The following ENTR1 variants were observed in gnomAD, a reference collection of about 807,000 sequenced individuals.
ENTR1 encodes endosome-associated-trafficking regulator 1.
In ENTR1, 47 loss-of-function variants were observed where a neutral mutation model predicts 47.9. The ratio of observed to expected loss-of-function variants is 0.98; its 90% CI spans 0.78 to 1.25. The LOEUF (loss-of-function observed/expected upper bound fraction) is 1.25. ENTR1 is among the 50% of genes most tolerant of loss of function. The pLI is 0.00. For missense variants in ENTR1, 668 were observed against 570.5 expected (o/e 1.17, Z -1.74); for synonymous variants, 290 against 245.8 (o/e 1.18, Z -1.68).
chr9:136,408,354 G>A (rs545654159), intron 3 of ENTR1, among the ~76,000 whole-genome samples: 20 of 152,198 alleles, frequency 1.3e-4, no homozygotes, highest in East Asian at 5.8e-4. Flanking sequence ...CAAGGCGGGC[G>A]GATCACGAGG....
At position 136,402,515 on chromosome 9, in the gene ENTR1, T is replaced by G. The variant is rs1834533284; in HGVS notation, c.*273A>C. On this transcript the variant is annotated 3_prime_UTR_variant, in exon 10 of 10. Coordinates refer to ENST00000357365, the MANE Select transcript of ENTR1 (RefSeq NM_001039707.2). ...CTCTTTTTCTTAAAATCACTGGCTT[T>G]TATGACAATGTCTTCCAAGAGCTCA... 3.1e-6 allele frequency: 1 copy of G among 319,614 alleles called. No homozygotes were observed. Among genetic ancestry groups the G allele is most frequent in the Non-Finnish European group, 5.7e-6 (1 of 175,238 alleles). The allele number at this position is 319,614 out of a possible 1,614,324, so 19.8% of individuals were successfully genotyped here. A position where few individuals can be genotyped will look rare whatever the true frequency, so the allele number is the denominator to read the frequency against.
intron 6 of ENTR1, among the ~76,000 whole-genome samples, chr9:136,405,573 A>C (rs984033371): frequency 1.3e-5 from 2 of 152,220 alleles, no homozygotes; most frequent in African/African-American, 4.8e-5. Context: ...CCCTGTCTCT[A>C]CAAAAATAAG....
rs764599237 is a variant in ENTR1 at position 136,402,521 on chromosome 9, CAAT to C, written c.*264_*266del. 15 of 329,554 alleles carry C rather than the reference CAAT, an allele frequency of 4.6e-5. No individual in the cohort carries two copies. The highest frequency in any genetic ancestry group is 7.2e-5 in the Non-Finnish European group (13 of 181,694). 20.4% of individuals were successfully genotyped at this position (329,554 alleles called of 1,614,324 possible). On this transcript the variant is annotated 3_prime_UTR_variant, in exon 10 of 10. Coordinates refer to ENST00000357365, the MANE Select transcript of ENTR1 (RefSeq NM_001039707.2). ...TTCTTAAAATCACTGGCTTTTATGA[CAAT>C]GTCTTCCAAGAGCTCATTAGAATCT...
chr9:136,403,924 G>T (rs533774878), intron 9 of ENTR1, 131 bp downstream of exon 9: 9 of 1,094,064 alleles, frequency 8.2e-6, no homozygotes, highest in Non-Finnish European at 1.2e-5. Context: ...CTGAGCACGC[G>T]TCCCTCCCTG....
chr9:136,410,260 G>C (rs748077469), intron 1 of ENTR1, 21 bp from the exon 2 acceptor site: 2 of 1,560,240 alleles, frequency 1.3e-6, no homozygotes, highest in Admixed American at 3.9e-5. Flanking sequence ...CGACAACAGC[G>C]ACTTTACTGC....
At position 136,407,476 on chromosome 9, in the gene ENTR1, A is replaced by G; in HGVS notation, c.488T>C (p.Phe163Ser). 3.7e-6 allele frequency: 6 copies of G among 1,610,868 alleles called. No homozygotes were observed. The highest frequency in any genetic ancestry group is 1.1e-5 in the South Asian group (1 of 90,856). Reference protein sequence around the residue: ...GGYGLEYQQPFFEDPTGAGDL... With the variant: ...GGYGLEYQQPSFEDPTGAGDL... ...ACCAGCCCCTGTCGGATCCTCGAAA[A>G]ATGGCTGCTGATACTCCAGGCCATA... The change falls in exon 5 of 10, where the codon TTT becomes TCT. Residue 163 changes from phenylalanine (F) to serine (S), a missense_variant. Physicochemically the swap from Phe to Ser is radical, Grantham distance 155. Transcript: ENST00000357365.
chr9:136,406,766 G>A (rs980106753), intron 5 of ENTR1, among the ~76,000 whole-genome samples: 17 of 152,100 alleles, frequency 1.1e-4, no homozygotes, highest in Non-Finnish European at 2.2e-4. Flanking sequence ...CGTGAGCCAC[G>A]GCGCCCAGCT....
At chr9:136,403,552 A>G (rs906168741) in intron 9 of ENTR1, among the ~76,000 whole-genome samples, 3 of 151,530 alleles carry the variant, frequency 2.0e-5, no homozygotes, top group African/African-American at 7.3e-5. Context: ...CTTGGAGGAG[A>G]CCCACACCTG....
chr9:136,402,979 G>GGA, intron 9 of ENTR1, 92 bp from the exon 10 acceptor site: 2 of 249,642 alleles, frequency 8.0e-6, no homozygotes, highest in Non-Finnish European at 7.5e-6. Flanking sequence ...TTGGTAGGGG[G>GGA]AAAAAGGGAG....
chr9:136,407,630 T>C, intron 4 of ENTR1, 69 bp from the exon 5 acceptor site: 1 of 1,491,374 alleles, frequency 6.7e-7, no homozygotes. Flanking sequence ...TTCCTTTCTG[T>C]GTTCTGCCTC....
intron 2 of ENTR1, 157 bp downstream of exon 2, chr9:136,409,933 C>A: frequency 1.1e-6 from 1 of 898,664 alleles, no homozygotes; most frequent in Non-Finnish European, 1.8e-6. Flanking sequence ...ACTGTGAGCT[C>A]CTAGCAGGGG....
chr9:136,407,595 C>A, intron 4 of ENTR1, 34 bp from the exon 5 acceptor site: 1 of 1,520,570 alleles, frequency 6.6e-7, no homozygotes, highest in Non-Finnish European at 8.8e-7. Context: ...ACAATGGAGG[C>A]CATGCTTCTG....
rs1179642720 is a variant in ENTR1 at position 136,402,510 on chromosome 9, G to A, written c.*278C>T. On this transcript the variant is annotated 3_prime_UTR_variant, in exon 10 of 10. Transcript: ENST00000357365. ...AACCACTCTTTTTCTTAAAATCACTGGCTTTTATGACAATGTCTTCCAAGA... is the reference window on the plus strand; with the variant it reads ...AACCACTCTTTTTCTTAAAATCACTAGCTTTTATGACAATGTCTTCCAAGA... 2 of 305,678 alleles carry A rather than the reference G, an allele frequency of 6.5e-6. No homozygotes were observed. Among genetic ancestry groups the A allele is most frequent in the African/African-American group, 4.3e-5 (2 of 46,404 alleles). The allele number at this position is 305,678 out of a possible 1,614,324, so 18.9% of individuals were successfully genotyped here.
In ENTR1 at chr9:136,410,459, C is replaced by T. The variant is rs1835049861; in HGVS notation, c.-62G>A. The T allele has an allele frequency of 5.7e-6, 6 of 1,053,726 alleles. No individual in the cohort carries two copies. Among genetic ancestry groups the T allele is most frequent in the Non-Finnish European group, 6.9e-6 (6 of 869,434 alleles). The allele number at this position is 1,053,726 out of a possible 1,614,324, so 65.3% of individuals were successfully genotyped here. ...GGCAGCGGCGGCTCCATGGCCCCGGCTCCGCCCGTGCCGCGGCCCGCGTCG... is the reference window on the plus strand; with the variant it reads ...GGCAGCGGCGGCTCCATGGCCCCGGTTCCGCCCGTGCCGCGGCCCGCGTCG... On this transcript the variant is annotated 5_prime_UTR_variant, in exon 1 of 10. Coordinates refer to ENST00000357365, the MANE Select transcript of ENTR1 (RefSeq NM_001039707.2).
At chr9:136,403,974 G>A in intron 9 of ENTR1, 81 bp downstream of exon 9, 2 of 1,465,012 alleles carry the variant, frequency 1.4e-6, no homozygotes, top group East Asian at 2.4e-5. Flanking sequence ...ATCAGCCTGG[G>A]CCCCCACCCA....
intron 7 of ENTR1, 41 bp downstream of exon 7, chr9:136,405,050 T>G: frequency 6.6e-7 from 1 of 1,523,934 alleles, no homozygotes; most frequent in Non-Finnish European, 9.1e-7. Flanking sequence ...GGAGCGCTCC[T>G]GCCCCACCCA....
chr9:136,407,107 C>T, intron 5 of ENTR1, 38 bp downstream of exon 5: 2 of 1,544,836 alleles, frequency 1.3e-6, no homozygotes, highest in Non-Finnish European at 8.8e-7. Flanking sequence ...GCCGCTCGGA[C>T]AGGCGCTGTG....
At chr9:136,404,913 C>T (rs1036222643) in intron 7 of ENTR1, 178 bp downstream of exon 7, 6 of 672,218 alleles carry the variant, frequency 8.9e-6, no homozygotes, top group African/African-American at 7.2e-5. Flanking sequence ...CACGGATGCC[C>T]TCGTGGGCCA....
chr9:136,408,470 C>A (rs189039194), intron 3 of ENTR1, among the ~76,000 whole-genome samples: 1 of 151,888 alleles, frequency 6.6e-6, no homozygotes, highest in African/African-American at 2.4e-5. Flanking sequence ...CCCAGCTACT[C>A]GGGAGGCTGA....
Sources: gnomAD v4.1 joint callset for allele counts (sites outside exome capture counted in the v4.1 genomes callset) on GRCh38, gnomAD v4.1.1 for gene constraint, MANE v1.5 for transcripts, NCBI Gene and HGNC (gene_info 2026-07-23, HGNC 2026-07-21) for gene names.